TEKT5: variants seen among roughly 807,000 people sequenced by gnomAD.
TEKT5 encodes the protein tektin-5.
Under a neutral mutation model 48.7 loss-of-function variants are expected in TEKT5, and 52 were observed. That is an observed-to-expected ratio of 1.07 (90% CI 0.86 to 1.35). The LOEUF (loss-of-function observed/expected upper bound fraction) is 1.35, where lower values mean the gene tolerates loss of function less well. TEKT5 is among the 40% of genes most tolerant of loss of function. The pLI is 0.00. For synonymous variants in TEKT5, 318 were observed against 267.6 expected (o/e 1.19, Z -1.84); for missense variants, 831 against 641.6 (o/e 1.30, Z -3.19).
intron 5 of TEKT5, among the ~76,000 whole-genome samples, chr16:10,669,669 G>A (rs961112323): frequency 6.6e-6 from 1 of 152,112 alleles, no homozygotes; most frequent in African/African-American, 2.4e-5. Flanking sequence ...TTTCTCCATA[G>A]AAGTATCCCT....
chr16:10,655,392 C>G (rs1371153674), intron 5 of TEKT5, among the ~76,000 whole-genome samples: 3 of 152,140 alleles, frequency 2.0e-5, no homozygotes, highest in African/African-American at 7.2e-5. Flanking sequence ...TAAAAATTAC[C>G]TGATCTGTCT....
chr16:10,680,773 A>G (rs1017188068), intron 4 of TEKT5, among the ~76,000 whole-genome samples: 52 of 145,036 alleles, frequency 3.6e-4, no homozygotes, highest in Middle Eastern at 3.8e-3. Flanking sequence ...AAAACCAAAC[A>G]CCGCATATTC....
At chr16:10,641,591 G>A (rs1329370983) in intron 5 of TEKT5, among the ~76,000 whole-genome samples, 2 of 152,182 alleles carry the variant, frequency 1.3e-5, no homozygotes, top group Non-Finnish European at 2.9e-5. Flanking sequence ...AGGATGAGGT[G>A]GGAGGATCAC....
At chr16:10,694,181 G>A (rs941594885) in intron 1 of TEKT5, 129 bp downstream of exon 1, 17 of 789,886 alleles carry the variant, frequency 2.2e-5, no homozygotes, top group Admixed American at 1.8e-4. Context: ...ATTACTGATC[G>A]TATTCGATGA....
intron 5 of TEKT5, among the ~76,000 whole-genome samples, chr16:10,646,154 T>C (rs1213903770): frequency 6.6e-6 from 1 of 152,054 alleles, no homozygotes; most frequent in East Asian, 1.9e-4. Context: ...AAAAAATTTG[T>C]TGATCTGACA....
At chr16:10,687,749 T>A (rs547308588) in intron 3 of TEKT5, among the ~76,000 whole-genome samples, 5 of 152,376 alleles carry the variant, frequency 3.3e-5, no homozygotes, top group African/African-American at 9.6e-5. Flanking sequence ...TGAGACTTCG[T>A]CTCAAACAAA....
rs567957016 is a variant in TEKT5, at chr16:10,680,959, T to A, written c.863+1034A>T. 1.5e-3 allele frequency among the ~76,000 whole-genome samples: 221 copies of A among 149,928 alleles called. 1 individual carries two copies. Among genetic ancestry groups the A allele is most frequent in the African/African-American group, 5.2e-3 (213 of 40,638 alleles). ...CACGAGCATGGCACATGTATACATA[T>A]GTAACTAACCTGCACATTGTGCACA... is the stretch of plus-strand genomic sequence containing the variant. On this transcript the variant is annotated intron_variant, in intron 4 of 6. Transcript: ENST00000283025.
chr16:10,660,354 T>C (rs1386527659), intron 5 of TEKT5, among the ~76,000 whole-genome samples: 1 of 149,452 alleles, frequency 6.7e-6, no homozygotes, highest in African/African-American at 2.5e-5. Flanking sequence ...GACCAAAGGG[T>C]TTCATGTTAA....
In TEKT5 at chr16:10,694,739, G is replaced by A; in HGVS notation, c.135C>T (p.Arg45=). 1 of 1,614,136 alleles carries A rather than the reference G, an allele frequency of 6.2e-7. No homozygotes were observed. The highest frequency in any genetic ancestry group is 8.5e-7 in the Non-Finnish European group (1 of 1,179,990). ...GGCTAGGCCTCCATGAATTGAGGTA[G>A]CGGTACCCGGGCAGGTAGTAGGGCT... The part of the protein sequence containing the change: ...CYQPYYLPGY[R]YLNSWRPSLF... The change falls in exon 1 of 7, where the codon CGC becomes CGT. Residue 45 remains arginine, a synonymous_variant. Transcript: ENST00000283025.
At position 10,655,865 on chromosome 16, in the gene TEKT5, T is replaced by C. The variant is rs192638514; in HGVS notation, c.1087-19947A>G. Among the ~76,000 whole-genome samples, 45 of 152,330 alleles carry C rather than the reference T, an allele frequency of 3.0e-4. No individual in the cohort carries two copies. The East Asian group carries it at 8.3e-3, about 28-fold the overall frequency. ...CATCTGATGATACCATGAAGCCATC[T>C]TGCAACCCAAGATTTATTTTATGTG... On this transcript the variant is annotated intron_variant, in intron 5 of 6. Transcript: ENST00000283025.
intron 5 of TEKT5, among the ~76,000 whole-genome samples, chr16:10,653,681 G>A (rs947281680): frequency 6.6e-6 from 1 of 152,212 alleles, no homozygotes; most frequent in African/African-American, 2.4e-5. Flanking sequence ...GGGAGGCCAA[G>A]GTGGGGAGAT....
At chr16:10,681,595 A>ATTT (rs35402400) in intron 4 of TEKT5, among the ~76,000 whole-genome samples, 4 of 142,828 alleles carry the variant, frequency 2.8e-5, no homozygotes, top group African/African-American at 1.0e-4. Flanking sequence ...TTGTTTCGGA[A>ATTT]TTTTTTTTTT....
intron 5 of TEKT5, among the ~76,000 whole-genome samples, chr16:10,660,862 G>C (rs573903308): frequency 6.6e-6 from 1 of 152,164 alleles, no homozygotes; most frequent in Admixed American, 6.5e-5. Flanking sequence ...CGCCACGCAC[G>C]GCTAATTTTT....
At chr16:10,679,512 G>C (rs1898707657) in intron 4 of TEKT5, among the ~76,000 whole-genome samples, 1 of 151,580 alleles carries the variant, frequency 6.6e-6, no homozygotes, top group Non-Finnish European at 1.5e-5. Flanking sequence ...GTTAATCCAT[G>C]GTAATGAGAA....
At chr16:10,641,631 G>A (rs1224468392) in intron 5 of TEKT5, among the ~76,000 whole-genome samples, 1 of 152,086 alleles carries the variant, frequency 6.6e-6, no homozygotes, top group Non-Finnish European at 1.5e-5. Context: ...ACCAGACTGG[G>A]GCAACATAGT....
intron 5 of TEKT5, among the ~76,000 whole-genome samples, chr16:10,659,459 A>T (rs1032387954): frequency 6.6e-6 from 1 of 152,162 alleles, no homozygotes; most frequent in African/African-American, 2.4e-5. Context: ...GGCTCACTGC[A>T]AGCTCTGCCT....
chr16:10,647,289 G>A (rs2142270025), intron 5 of TEKT5, among the ~76,000 whole-genome samples: 1 of 151,988 alleles, frequency 6.6e-6, no homozygotes, highest in Middle Eastern at 3.4e-3. Flanking sequence ...GTAGCATGGT[G>A]AGACCCTGTC....
At chr16:10,661,837 G>A (rs1466161395) in intron 5 of TEKT5, among the ~76,000 whole-genome samples, 2 of 152,104 alleles carry the variant, frequency 1.3e-5, no homozygotes, top group Non-Finnish European at 2.9e-5. Context: ...GTTTCCCCAT[G>A]TGTATAAAGA....
intron 2 of TEKT5, among the ~76,000 whole-genome samples, 199 bp from the exon 3 acceptor site, chr16:10,689,522 T>TC (rs1491265267): frequency 3.8e-4 from 12 of 31,502 alleles, no homozygotes; most frequent in Non-Finnish European, 5.2e-4. Flanking sequence ...AGGCTCCACC[T>TC]TTTTTTTTTT....
Sources: gnomAD v4.1 joint callset for allele counts (sites outside exome capture counted in the v4.1 genomes callset) on GRCh38, gnomAD v4.1.1 for gene constraint, MANE v1.5 for transcripts, NCBI Gene and HGNC (gene_info 2026-07-23, HGNC 2026-07-21) for gene names.